The following PRKAG2 variants were observed in gnomAD, a reference collection of about 807,000 sequenced individuals.
The protein encoded by PRKAG2 is protein kinase AMP-activated non-catalytic subunit gamma 2, also known as 5'-AMP-activated protein kinase subunit gamma-2.
PRKAG2 carries 26 observed loss-of-function variants against 69.6 expected under a neutral mutation model. That is an observed-to-expected ratio of 0.37 (90% CI 0.27 to 0.52). The LOEUF (loss-of-function observed/expected upper bound fraction) is 0.52, where lower values mean the gene tolerates loss of function less well. Ranked by LOEUF, PRKAG2 falls within the 20% of genes least tolerant of loss-of-function variation. The pLI is 0.90. For synonymous variants in PRKAG2, 293 were observed against 285.0 expected (o/e 1.03, Z -0.28); for missense variants, 557 against 740.0 (o/e 0.75, Z 2.87).
intron 6 of PRKAG2, among the ~76,000 whole-genome samples, chr7:151,578,805 T>C (rs951813517): frequency 4.6e-5 from 7 of 152,160 alleles, no homozygotes; most frequent in Admixed American, 3.3e-4. Context: ...CTAAATGGCA[T>C]CCAGGAAAGG....
At chr7:151,702,266 C>T (rs1042200230) in intron 3 of PRKAG2, among the ~76,000 whole-genome samples, 4 of 152,212 alleles carry the variant, frequency 2.6e-5, no homozygotes, top group African/African-American at 9.6e-5. Context: ...TTGCATCTTC[C>T]ACATCCTTTA....
chr7:151,731,591 G>T (rs981393166), intron 3 of PRKAG2, among the ~76,000 whole-genome samples: 1 of 152,120 alleles, frequency 6.6e-6, no homozygotes, highest in African/African-American at 2.4e-5. Flanking sequence ...CCGGGGAACT[G>T]CAGGGAAGCC....
intron 1 of PRKAG2, among the ~76,000 whole-genome samples, chr7:151,844,302 C>T (rs982943011): frequency 1.3e-5 from 2 of 152,166 alleles, no homozygotes; most frequent in African/African-American, 4.8e-5. Flanking sequence ...ACTGGGTGAC[C>T]TCATCCCTAA....
At chr7:151,705,187 G>C (rs1410634759) in intron 3 of PRKAG2, among the ~76,000 whole-genome samples, 2 of 152,170 alleles carry the variant, frequency 1.3e-5, no homozygotes, top group African/African-American at 4.8e-5. Context: ...AAACGTACAG[G>C]ATAAAATGTT....
At chr7:151,739,628 C>G (rs2073729244) in intron 3 of PRKAG2, among the ~76,000 whole-genome samples, 1 of 151,994 alleles carries the variant, frequency 6.6e-6, no homozygotes, top group Admixed American at 6.6e-5. Flanking sequence ...CACCACCACA[C>G]CCAGGCAATT....
intron 4 of PRKAG2, among the ~76,000 whole-genome samples, chr7:151,652,153 C>T (rs1031829504): frequency 1.3e-5 from 2 of 152,124 alleles, no homozygotes; most frequent in East Asian, 3.9e-4. Flanking sequence ...TAATTATATA[C>T]GATTTTTATT....
At chr7:151,715,681 A>G (rs1433585707) in intron 3 of PRKAG2, among the ~76,000 whole-genome samples, 1 of 152,130 alleles carries the variant, frequency 6.6e-6, no homozygotes, top group African/African-American at 2.4e-5. Context: ...AAAAATTCCA[A>G]TTTGAGTTGT....
intron 3 of PRKAG2, among the ~76,000 whole-genome samples, chr7:151,744,794 G>T (rs987808353): frequency 6.6e-6 from 1 of 152,088 alleles, no homozygotes; most frequent in Admixed American, 6.6e-5. Context: ...GAATCAGCCC[G>T]GCCGACCGAG....
intron 1 of PRKAG2, among the ~76,000 whole-genome samples, chr7:151,865,893 G>T (rs774526371): frequency 3.3e-5 from 5 of 151,938 alleles, no homozygotes; most frequent in Admixed American, 2.6e-4. Flanking sequence ...GGTGGCGGGC[G>T]CCCGTAGACC....
chr7:151,628,176 T>C (rs1233143668), intron 5 of PRKAG2, among the ~76,000 whole-genome samples: 2 of 152,176 alleles, frequency 1.3e-5, no homozygotes, highest in Non-Finnish European at 2.9e-5. Context: ...TGCGGACCGC[T>C]CTAAAGAGGC....
chr7:151,848,970 G>A (rs2079505593), intron 1 of PRKAG2, among the ~76,000 whole-genome samples: 1 of 152,232 alleles, frequency 6.6e-6, no homozygotes, highest in South Asian at 2.1e-4. Context: ...GGGGAGGCCA[G>A]CCACCGAGCC....
chr7:151,759,809 G>C (rs1461923077), intron 3 of PRKAG2, among the ~76,000 whole-genome samples: 5 of 152,220 alleles, frequency 3.3e-5, no homozygotes, highest in Admixed American at 3.3e-4. Flanking sequence ...AGGGGACCCC[G>C]ACCTACTCTC....
chr7:151,663,896 A>C (rs73728231), intron 4 of PRKAG2, among the ~76,000 whole-genome samples: 5 of 152,214 alleles, frequency 3.3e-5, no homozygotes, highest in African/African-American at 9.6e-5. Flanking sequence ...AGATTGGCAA[A>C]CTTTCTGAAA....
intron 3 of PRKAG2, among the ~76,000 whole-genome samples, chr7:151,768,120 C>T (rs2075834387): frequency 6.6e-6 from 1 of 152,120 alleles, no homozygotes. Context: ...TGGGACTCCT[C>T]CAGGAGGGTT....
intron 1 of PRKAG2, among the ~76,000 whole-genome samples, chr7:151,798,531 T>A (rs2151835222): frequency 6.6e-6 from 1 of 152,300 alleles, no homozygotes; most frequent in Admixed American, 6.5e-5. Flanking sequence ...TCCAGGCTGG[T>A]CTTGAACTCC....
At chr7:151,823,537 C>T (rs1374690158) in intron 1 of PRKAG2, among the ~76,000 whole-genome samples, 4 of 151,384 alleles carry the variant, frequency 2.6e-5, no homozygotes, top group Non-Finnish European at 4.4e-5. Flanking sequence ...GAGAGTAGAT[C>T]CCAAGGAGAT....
At chr7:151,838,706 CAAAA>C (rs57382424) in intron 1 of PRKAG2, among the ~76,000 whole-genome samples, 4 of 92,196 alleles carry the variant, frequency 4.3e-5, no homozygotes, top group Admixed American at 1.2e-4. Flanking sequence ...GACCCTGTTT[CAAAA>C]AAAAAAAAAA....
intron 6 of PRKAG2, among the ~76,000 whole-genome samples, chr7:151,586,918 T>C (rs1811805821): frequency 6.6e-6 from 1 of 152,208 alleles, no homozygotes. Context: ...TATTCTCTAC[T>C]CATTCTTCAA....
intron 4 of PRKAG2, among the ~76,000 whole-genome samples, chr7:151,647,064 G>A (rs952966416): frequency 1.3e-5 from 2 of 152,210 alleles, no homozygotes; most frequent in Non-Finnish European, 2.9e-5. Flanking sequence ...GAGCCAGACC[G>A]CACATGCATG....
Sources: gnomAD v4.1 joint callset for allele counts (sites outside exome capture counted in the v4.1 genomes callset) on GRCh38, gnomAD v4.1.1 for gene constraint, MANE v1.5 for transcripts, NCBI Gene and HGNC (gene_info 2026-07-23, HGNC 2026-07-21) for gene names.